The following CPEB3 variants were observed in gnomAD, a reference collection of about 807,000 sequenced individuals.
CPEB3 encodes the protein cytoplasmic polyadenylation element-binding protein 3.
In CPEB3, 20 loss-of-function variants were observed where a neutral mutation model predicts 67.2. The observed-to-expected ratio is 0.30, with a 90% CI of 0.21 to 0.43. The LOEUF is 0.43. CPEB3 is among the 20% of genes least tolerant of loss of function. The pLI is 1.00. For synonymous variants in CPEB3, 376 were observed against 393.1 expected (o/e 0.96, Z 0.51); for missense variants, 746 against 968.6 (o/e 0.77, Z 3.05).
chr10:92,163,348 C>A (rs1847587431), intron 4 of CPEB3, among the ~76,000 whole-genome samples: 1 of 152,008 alleles, frequency 6.6e-6, no homozygotes, highest in Middle Eastern at 3.2e-3. Context: ...GCAGGAGAAT[C>A]GCTTGAACCC....
At chr10:92,198,435 T>A (rs1304211513) in intron 2 of CPEB3, among the ~76,000 whole-genome samples, 3 of 152,222 alleles carry the variant, frequency 2.0e-5, no homozygotes, top group Non-Finnish European at 4.4e-5. Flanking sequence ...AAGAAGTAGT[T>A]TGATCTACCT....
intron 4 of CPEB3, among the ~76,000 whole-genome samples, chr10:92,169,632 A>T (rs1398664299): frequency 6.6e-6 from 1 of 152,328 alleles, no homozygotes; most frequent in East Asian, 1.9e-4. Context: ...ATTCCATAGA[A>T]CACAACTAGA....
chr10:92,203,512 A>G (rs951199254), intron 2 of CPEB3, among the ~76,000 whole-genome samples: 8 of 109,162 alleles, frequency 7.3e-5, no homozygotes, highest in African/African-American at 3.0e-4. Flanking sequence ...GTGTGTGTAT[A>G]TATATATATA....
At chr10:92,232,998 T>A (rs987223252) in intron 2 of CPEB3, among the ~76,000 whole-genome samples, 5 of 152,102 alleles carry the variant, frequency 3.3e-5, no homozygotes, top group African/African-American at 1.2e-4. Context: ...TCCTAACCAA[T>A]CCCTCTTTTA....
At chr10:92,075,502 C>A (rs1842901128) in intron 9 of CPEB3, among the ~76,000 whole-genome samples, 1 of 152,094 alleles carries the variant, frequency 6.6e-6, no homozygotes. Flanking sequence ...TACGAAAAAA[C>A]ATGTAATTGT....
intron 9 of CPEB3, among the ~76,000 whole-genome samples, chr10:92,072,067 A>C (rs990780748): frequency 5.9e-5 from 9 of 152,188 alleles, no homozygotes; most frequent in Admixed American, 2.6e-4. Flanking sequence ...TTTAATCCTA[A>C]CCTGTATTTC....
intron 6 of CPEB3, among the ~76,000 whole-genome samples, chr10:92,113,748 G>A (rs1347439868): frequency 6.6e-6 from 1 of 152,102 alleles, no homozygotes; most frequent in Non-Finnish European, 1.5e-5. Flanking sequence ...CAAAGAAAAG[G>A]CGGTTGTCTC....
intron 6 of CPEB3, among the ~76,000 whole-genome samples, chr10:92,114,189 C>T (rs1590168630): frequency 1.3e-5 from 2 of 152,248 alleles, no homozygotes; most frequent in East Asian, 1.9e-4. Context: ...CAGAATTCAC[C>T]GGAAACACCC....
At chr10:92,168,791 CTTTTTTTTTTT>C (rs748498383) in intron 4 of CPEB3, among the ~76,000 whole-genome samples, 2 of 118,384 alleles carry the variant, frequency 1.7e-5, no homozygotes, top group East Asian at 2.2e-4. Flanking sequence ...ACCTCTTGCC[CTTTTTTTTTTT>C]TTTTTTTTTT....
intron 1 of CPEB3, among the ~76,000 whole-genome samples, chr10:92,252,165 A>G (rs1011110671): frequency 1.3e-5 from 2 of 152,122 alleles, no homozygotes; most frequent in African/African-American, 4.8e-5. Flanking sequence ...TATTCAAATG[A>G]CCAAAAAGCA....
chr10:92,078,087 T>A (rs1310995254), intron 9 of CPEB3, among the ~76,000 whole-genome samples: 2 of 152,088 alleles, frequency 1.3e-5, no homozygotes, highest in Non-Finnish European at 2.9e-5. Context: ...TTGAATAATC[T>A]CTCTTCCAGG....
chr10:92,281,311 T>C (rs1842287169), intron 1 of CPEB3, among the ~76,000 whole-genome samples: 1 of 151,144 alleles, frequency 6.6e-6, no homozygotes, highest in Admixed American at 6.6e-5. Context: ...CCCAGGCTGG[T>C]TTTGAACTCC....
chr10:92,119,399 A>T (rs934278119), intron 6 of CPEB3, among the ~76,000 whole-genome samples: 17 of 152,176 alleles, frequency 1.1e-4, no homozygotes, highest in African/African-American at 2.4e-5. Context: ...TTTTTTGCCC[A>T]CAACTTGCCT....
intron 2 of CPEB3, among the ~76,000 whole-genome samples, chr10:92,234,700 G>A (rs1324190339): frequency 1.3e-5 from 2 of 152,100 alleles, no homozygotes; most frequent in Non-Finnish European, 2.9e-5. Context: ...AGGGCGAGGT[G>A]GCAGATCACG....
At chr10:92,093,891 A>T (rs184678216) in intron 7 of CPEB3, among the ~76,000 whole-genome samples, 6 of 146,160 alleles carry the variant, frequency 4.1e-5, no homozygotes, top group African/African-American at 7.6e-5. Context: ...GTGTTGCTTT[A>T]TTGCCCAGGC....
intron 2 of CPEB3, among the ~76,000 whole-genome samples, chr10:92,228,183 C>T (rs1456317439): frequency 6.6e-6 from 1 of 152,180 alleles, no homozygotes; most frequent in Non-Finnish European, 1.5e-5. Flanking sequence ...CCACTGCACC[C>T]AGCCTATAAT....
intron 9 of CPEB3, among the ~76,000 whole-genome samples, chr10:92,072,793 A>G (rs1224638998): frequency 6.6e-6 from 1 of 152,168 alleles, no homozygotes; most frequent in East Asian, 1.9e-4. Context: ...GCCCCACTCT[A>G]TTAGAGTTCT....
At chr10:92,151,747 A>T (rs887385203) in intron 4 of CPEB3, among the ~76,000 whole-genome samples, 1 of 152,118 alleles carries the variant, frequency 6.6e-6, no homozygotes, top group African/African-American at 2.4e-5. Flanking sequence ...AGAATCTCAA[A>T]ATCATTTTTG....
chr10:92,199,591 G>A (rs932528893), intron 2 of CPEB3, among the ~76,000 whole-genome samples: 4 of 148,736 alleles, frequency 2.7e-5, no homozygotes, highest in Non-Finnish European at 4.4e-5. Context: ...GGCTGAAGCA[G>A]GAGAATCGCT....
Sources: gnomAD v4.1 joint callset for allele counts (sites outside exome capture counted in the v4.1 genomes callset) on GRCh38, gnomAD v4.1.1 for gene constraint, MANE v1.5 for transcripts, NCBI Gene and HGNC (gene_info 2026-07-23, HGNC 2026-07-21) for gene names.